Variants in ATP9A observed in about 807,000 individuals in gnomAD.
ATP9A encodes the protein ATPase phospholipid transporting 9A.
A neutral mutation model predicts 144.1 loss-of-function variants in ATP9A; 52 were observed. The observed-to-expected ratio is 0.36, with a 90% confidence interval of 0.29 to 0.45. The LOEUF (loss-of-function observed/expected upper bound fraction) is 0.45, where lower values mean the gene tolerates loss of function less well. Ranked by LOEUF, ATP9A falls within the 20% of genes least tolerant of loss-of-function variation. ATP9A has a pLI of 1.00. For synonymous variants in ATP9A, 582 were observed against 557.4 expected (o/e 1.04, Z -0.62); for missense variants, 947 against 1,392.7 (o/e 0.68, Z 5.09).
intron 9 of ATP9A, among the ~76,000 whole-genome samples, chr20:51,684,664 C>T (rs2077514571): frequency 7.1e-6 from 1 of 141,682 alleles, no homozygotes; most frequent in Non-Finnish European, 1.5e-5. Flanking sequence ...CCGCTGCACT[C>T]CAGCCTGGGT....
chr20:51,731,728 A>G (rs2122876952), intron 1 of ATP9A, among the ~76,000 whole-genome samples: 1 of 152,180 alleles, frequency 6.6e-6, no homozygotes, highest in East Asian at 1.9e-4. Flanking sequence ...CCAAAAAAAA[A>G]AAAGAGAAGC....
chr20:51,674,829 T>C (rs1401534342), intron 10 of ATP9A, among the ~76,000 whole-genome samples: 1 of 152,110 alleles, frequency 6.6e-6, no homozygotes, highest in Non-Finnish European at 1.5e-5. Flanking sequence ...TATTTTATTA[T>C]TTATTTATTT....
rs771811944 is a variant in ATP9A at position 51,613,726 on chromosome 20, G to A, written c.2522C>T (p.Ala841Val). ...HGRNSYKRSAALSQFVIHRSL... is the reference protein window; with the variant it reads ...HGRNSYKRSAVLSQFVIHRSL... Reference sequence around the variant, plus strand: ...CCTGTGAATCACGAACTGGCTGAGGGCGGCTGACCGCTTGTAGCTGTTCCG... The same window carrying A: ...CCTGTGAATCACGAACTGGCTGAGGACGGCTGACCGCTTGTAGCTGTTCCG... Residue 841 changes from alanine to valine, a missense_variant, in exon 23 of 28, where the codon GCC (alanine) becomes GTC (valine). By Grantham distance (64) the Ala-to-Val change is moderately conservative. Transcript: ENST00000338821. The A allele has an allele frequency of 1.2e-6, 2 of 1,614,176 alleles. No individual in the cohort carries two copies. The highest frequency in any genetic ancestry group is 3.3e-5 in the Admixed American group (2 of 60,020).
intron 9 of ATP9A, among the ~76,000 whole-genome samples, chr20:51,679,958 G>A (rs1275097907): frequency 3.9e-5 from 6 of 152,142 alleles, no homozygotes; most frequent in Non-Finnish European, 7.3e-5. Flanking sequence ...GGCTGAGCAC[G>A]GTGGCTCACG....
intron 23 of ATP9A, among the ~76,000 whole-genome samples, chr20:51,612,180 G>A (rs1022222613): frequency 6.6e-6 from 1 of 152,086 alleles, no homozygotes; most frequent in Non-Finnish European, 1.5e-5. Flanking sequence ...TGGGAAGACC[G>A]AGGCCTAGAG....
chr20:51,685,017 T>TAAAAA (rs11325921), intron 9 of ATP9A, among the ~76,000 whole-genome samples: 3 of 139,930 alleles, frequency 2.1e-5, no homozygotes, highest in East Asian at 2.2e-4. Context: ...TCTCCAAAAA[T>TAAAAA]AAAAAAAAAA....
Position 51,605,104 on chromosome 20 carries a change from G to A in ATP9A, c.2804-84C>T, listed in dbSNP as rs897281909. ...CGCCTACACCTGGCTCCTTTCCGCA[G>A]TTTTCATTTAGACATGAAAGGCATC... On this transcript the variant is annotated intron_variant, in intron 26 of 27. Transcript: ENST00000338821. 8.8e-6 allele frequency: 11 copies of A among 1,255,570 alleles called. No individual in the cohort carries two copies. In the African/African-American group the frequency reaches 1.4e-4, roughly 16 times the overall value. 77.8% of individuals were successfully genotyped at this position (1,255,570 alleles called of 1,614,324 possible).
chr20:51,624,672 G>A (rs768568025), intron 18 of ATP9A, among the ~76,000 whole-genome samples: 17 of 152,066 alleles, frequency 1.1e-4, no homozygotes, highest in Admixed American at 2.6e-4. Flanking sequence ...GGGAGTCATC[G>A]GTACAGTAAA....
rs115980557 is a variant in ATP9A at position 51,718,509 on chromosome 20, T to C, written c.328-5435A>G. Among the ~76,000 whole-genome samples, 895 of 151,958 alleles carry C rather than the reference T, an allele frequency of 5.9e-3. 10 individuals are homozygous for C. Among genetic ancestry groups the C allele is most frequent in the African/African-American group, 0.02 (847 of 41,344 alleles). On this transcript the variant is annotated intron_variant, in intron 3 of 27. Transcript: ENST00000338821. ...GGGGGGCAAAAAGAATGGCAGGATC[T>C]GGCTTTTAAGATAATTCAAAAGATG...
At chr20:51,692,524 G>A (rs761562162) in intron 7 of ATP9A, among the ~76,000 whole-genome samples, 14 of 152,288 alleles carry the variant, frequency 9.2e-5, no homozygotes, top group Non-Finnish European at 1.8e-4. Context: ...AGAGCCCCTG[G>A]GAGGTGGTGG....
At chr20:51,699,354 A>C (rs927578575) in intron 4 of ATP9A, among the ~76,000 whole-genome samples, 3 of 148,186 alleles carry the variant, frequency 2.0e-5, no homozygotes, top group South Asian at 4.2e-4. Context: ...AAAAAAAAAA[A>C]GAACTTAAAG....
At chr20:51,710,317 A>C (rs974916497) in intron 4 of ATP9A, among the ~76,000 whole-genome samples, 3 of 152,178 alleles carry the variant, frequency 2.0e-5, no homozygotes, top group African/African-American at 7.2e-5. Flanking sequence ...AAAAAGAAAA[A>C]AACTTCATGT....
Position 51,632,155 on chromosome 20 carries a change from G to A in ATP9A, c.1669-3083C>T, listed in dbSNP as rs368558296. ...CACAATCACGACTCACTACAGCCTC[G>A]ACCTCCTGGACTCGAGTGACCTCAA... On this transcript the variant is annotated intron_variant, in intron 15 of 27. Transcript: ENST00000338821. Among the ~76,000 whole-genome samples, 8 of 151,858 alleles carry A rather than the reference G, an allele frequency of 5.3e-5. No homozygotes were observed. The South Asian group carries it at 1.5e-3, about 28-fold the overall frequency.
intron 18 of ATP9A, among the ~76,000 whole-genome samples, chr20:51,623,574 A>C (rs2077235249): frequency 6.6e-6 from 1 of 152,206 alleles, no homozygotes; most frequent in South Asian, 2.1e-4. Flanking sequence ...TGAGGTCAGG[A>C]GTTCGAGACC....
intron 1 of ATP9A, among the ~76,000 whole-genome samples, chr20:51,763,043 G>C (rs2077888140): frequency 6.6e-6 from 1 of 151,794 alleles, no homozygotes; most frequent in Non-Finnish European, 1.5e-5. Flanking sequence ...ACAATAAAAA[G>C]AAACTTCAAA....
intron 17 of ATP9A, among the ~76,000 whole-genome samples, chr20:51,626,654 T>C (rs1451481101): frequency 6.8e-6 from 1 of 147,252 alleles, no homozygotes; most frequent in Non-Finnish European, 1.5e-5. Flanking sequence ...AGAATAAATG[T>C]GCAAAAAAAA....
At chr20:51,742,515 A>AC (rs1441523123) in intron 1 of ATP9A, among the ~76,000 whole-genome samples, 7 of 149,680 alleles carry the variant, frequency 4.7e-5, no homozygotes, top group African/African-American at 1.7e-4. Context: ...CTCCTCCTTT[A>AC]CTTTTTTTTT....
chr20:51,768,321 C>T lies in ATP9A; in HGVS notation c.49G>A (p.Asp17Asn). The change falls in exon 1 of 28, where the codon GAC (aspartate) becomes AAC (asparagine). Residue 17 changes from aspartate (D) to asparagine (N), a missense_variant. By Grantham distance (23) the Asp-to-Asn change is conservative (BLOSUM62 1). Around this residue, in one of 2 missense-constraint regions of ATP9A, gnomAD observed 770 missense variants for 1,047.9 expected, o/e 0.73. Coordinates refer to ENST00000338821, the MANE Select transcript of ATP9A (RefSeq NM_006045.3). ...ACTCACCCGGCGCGGGGCCTGCTGT[C>T]CATCCGCTTCTTCTGGCGCACCGGC... is the stretch of plus-strand genomic sequence containing the variant. ...LQPVRQKKRM[D>N]SRPRAGCCEW... 1 of 1,314,244 alleles carries T rather than the reference C, an allele frequency of 7.6e-7. No homozygotes were observed. The highest frequency in any genetic ancestry group is 2.2e-5 in the South Asian group (1 of 44,704). 81.4% of individuals were successfully genotyped at this position (1,314,244 alleles called of 1,614,324 possible).
chr20:51,676,054 A>G, intron 10 of ATP9A, 78 bp downstream of exon 10: 1 of 1,085,804 alleles, frequency 9.2e-7, no homozygotes, highest in Non-Finnish European at 1.4e-6. Flanking sequence ...AGGTGTTCCT[A>G]TTTTAATATC....
Sources: gnomAD v4.1 joint callset for allele counts (sites outside exome capture counted in the v4.1 genomes callset) on GRCh38, gnomAD v4.1.1 for gene constraint, gnomAD v4.1.1 regional missense constraint, MANE v1.5 for transcripts, NCBI Gene and HGNC (gene_info 2026-07-23, HGNC 2026-07-21) for gene names.